Variants in FOCAD observed in about 807,000 individuals in gnomAD.
FOCAD encodes the protein focadhesin, also known as KIAA1797.
A neutral mutation model predicts 225.6 loss-of-function variants in FOCAD; 198 were observed. That is an observed-to-expected ratio of 0.88 (90% CI 0.78 to 0.99). The LOEUF is 0.99. FOCAD is among the 50% of genes least tolerant of loss of function. The pLI is 0.00. For missense variants in FOCAD, 2,713 were observed against 2,123.6 expected, an observed-to-expected ratio of 1.28 and a Z score of -5.46; for synonymous variants, 897 against 755.0, an observed-to-expected ratio of 1.19 and a Z score of -3.08.
chr9:20,990,177 C>G lies in FOCAD; in HGVS notation c.5059C>G (p.His1687Asp). Residue 1687 changes from histidine to aspartate, a missense_variant, in exon 42 of 44, where the codon CAC becomes GAC. Coordinates refer to ENST00000338382, the MANE Select transcript of FOCAD (RefSeq NM_001375567.1). ...AACCGCAGTGGTTGCATGGGCTGACCACACTGCCCCTCTCCTCCTCGGCCT... is the reference window on the plus strand; with the variant it reads ...AACCGCAGTGGTTGCATGGGCTGACGACACTGCCCCTCTCCTCCTCGGCCT... ...FATAVVAWAD[H>D]TAPLLLGLSA... 1.9e-6 allele frequency: 3 copies of G among 1,614,166 alleles called. No homozygotes were observed. The highest frequency in any genetic ancestry group is 2.5e-6 in the Non-Finnish European group (3 of 1,180,006).
intron 43 of FOCAD, among the ~76,000 whole-genome samples, chr9:20,994,216 T>C (rs1350891267): frequency 8.5e-5 from 13 of 152,246 alleles, no homozygotes; most frequent in African/African-American, 2.9e-4. Context: ...CTGTCTTTTG[T>C]ACTTCTCTAC....
chr9:20,911,367 T>A (rs1833424007), intron 22 of FOCAD, among the ~76,000 whole-genome samples: 1 of 152,134 alleles, frequency 6.6e-6, no homozygotes. Flanking sequence ...ACACAAACTC[T>A]GTAGATCGAT....
Position 20,982,263 on chromosome 9 carries a change from T to A in FOCAD, c.4639-94T>A, listed in dbSNP as rs537949780. 4.9e-5 allele frequency: 43 copies of A among 875,822 alleles called. No individual in the cohort carries two copies. The South Asian group carries it at 6.2e-4, about 13-fold the overall frequency. 54.3% of individuals were successfully genotyped at this position (875,822 alleles called of 1,614,324 possible). On this transcript the variant is annotated intron_variant, in intron 38 of 43. Transcript: ENST00000338382. ...AAAATTAAAATCTCATCAGCTGCTG[T>A]TCATGGGGATAAGAAAATCTAATAA...
At chr9:20,848,579 G>T (rs1246986103) in intron 15 of FOCAD, among the ~76,000 whole-genome samples, 1 of 151,996 alleles carries the variant, frequency 6.6e-6, no homozygotes, top group Non-Finnish European at 1.5e-5. Flanking sequence ...AGGTCAGAGA[G>T]AGCTGCTTCT....
At chr9:20,753,934 G>C (rs1253331443) in intron 5 of FOCAD, among the ~76,000 whole-genome samples, 2 of 152,116 alleles carry the variant, frequency 1.3e-5, no homozygotes, top group African/African-American at 4.8e-5. Flanking sequence ...ATAAAGTGTT[G>C]TTAGGCAACT....
intron 15 of FOCAD, among the ~76,000 whole-genome samples, chr9:20,841,259 C>T (rs1036699518): frequency 6.6e-5 from 10 of 151,830 alleles, no homozygotes; most frequent in East Asian, 1.9e-4. Flanking sequence ...TTTGAAAGTA[C>T]TTCTGTGTCC....
At chr9:20,976,674 T>G in intron 36 of FOCAD, 126 bp downstream of exon 36, 1 of 1,014,936 alleles carries the variant, frequency 9.9e-7, no homozygotes, top group Non-Finnish European at 1.5e-6. Context: ...GTTTGTCATG[T>G]TGGATGGAAT....
At chr9:20,732,860 C>T (rs1369307701) in intron 4 of FOCAD, among the ~76,000 whole-genome samples, 1 of 151,978 alleles carries the variant, frequency 6.6e-6, no homozygotes, top group Non-Finnish European at 1.5e-5. Flanking sequence ...AAAGGTGACT[C>T]CTTGATTTCT....
chr9:20,953,030 C>T lies in FOCAD; in HGVS notation c.4097C>T (p.Ala1366Val). The change falls in exon 35 of 44, where the codon GCA (alanine) becomes GTA (valine). Residue 1366 changes from alanine to valine, a missense_variant. Transcript: ENST00000338382. ...SYLPESSFIGAAIGFFITGGK... is the reference protein window; with the variant it reads ...SYLPESSFIGVAIGFFITGGK... ...TTGCCTGAAAGCAGTTTTATTGGAG[C>T]AGCTATTGGCTTCTTCATTACAGGA... The T allele has an allele frequency of 6.2e-7, 1 of 1,613,492 alleles. No homozygotes were observed. Among genetic ancestry groups the T allele is most frequent in the Non-Finnish European group, 8.5e-7 (1 of 1,179,722 alleles).
chr9:20,902,491 A>G (rs1004488301), intron 21 of FOCAD, among the ~76,000 whole-genome samples: 1 of 151,992 alleles, frequency 6.6e-6, no homozygotes, highest in African/African-American at 2.4e-5. Context: ...AGGTAATTCT[A>G]AAAGACTTTG....
chr9:20,798,141 G>A (rs1821346957), intron 11 of FOCAD, among the ~76,000 whole-genome samples: 1 of 152,082 alleles, frequency 6.6e-6, no homozygotes, highest in Non-Finnish European at 1.5e-5. Flanking sequence ...TTATATGCTG[G>A]ATTACATTTA....
intron 36 of FOCAD, 123 bp downstream of exon 36, chr9:20,976,671 A>C: frequency 9.5e-7 from 1 of 1,056,550 alleles, no homozygotes; most frequent in African/African-American, 1.6e-5. Context: ...GAGGTTTGTC[A>C]TGTTGGATGG....
chr9:20,783,304 A>C (rs1819588380), intron 10 of FOCAD, among the ~76,000 whole-genome samples: 1 of 152,172 alleles, frequency 6.6e-6, no homozygotes, highest in Non-Finnish European at 1.5e-5. Flanking sequence ...TCCTTATGAT[A>C]CTGTGTTGCT....
intron 21 of FOCAD, among the ~76,000 whole-genome samples, chr9:20,887,418 A>G (rs956031653): frequency 6.6e-6 from 1 of 151,906 alleles, no homozygotes; most frequent in African/African-American, 2.4e-5. Context: ...TATTTTTAGT[A>G]GAGATGGAGT....
At chr9:20,976,171 A>G (rs910893980) in intron 35 of FOCAD, among the ~76,000 whole-genome samples, 2 of 152,178 alleles carry the variant, frequency 1.3e-5, no homozygotes, top group African/African-American at 4.8e-5. Flanking sequence ...TCTATACCCC[A>G]TAAATATATA....
At chr9:20,759,855 C>T (rs7042872) in intron 6 of FOCAD, among the ~76,000 whole-genome samples, 4,692 of 152,258 alleles carry the variant, frequency 0.031, 257 homozygotes, top group African/African-American at 0.11. Context: ...AAGTTCTTCC[C>T]CTTGGACACT....
intron 24 of FOCAD, among the ~76,000 whole-genome samples, chr9:20,922,896 T>G (rs1031644882): frequency 6.6e-6 from 1 of 152,194 alleles, no homozygotes; most frequent in Non-Finnish European, 1.5e-5. Flanking sequence ...TAATATTAAA[T>G]GTACATTTTC....
intron 11 of FOCAD, among the ~76,000 whole-genome samples, chr9:20,800,343 G>A (rs1209024467): frequency 1.3e-5 from 2 of 151,914 alleles, no homozygotes; most frequent in Non-Finnish European, 2.9e-5. Context: ...TGCTCTTCTC[G>A]AGGAGTATCT....
intron 35 of FOCAD, among the ~76,000 whole-genome samples, chr9:20,965,918 A>G (rs1442758590): frequency 6.6e-6 from 1 of 152,040 alleles, no homozygotes; most frequent in Non-Finnish European, 1.5e-5. Context: ...GCCACATTTT[A>G]TTTATGCATC....
Sources: allele counts gnomAD v4.1 joint callset (sites outside exome capture counted in the v4.1 genomes callset), GRCh38; gene constraint gnomAD v4.1.1; transcripts MANE v1.5; gene names NCBI Gene and HGNC (gene_info 2026-07-23, HGNC 2026-07-21).